UBE2E2: variants seen among roughly 807,000 people sequenced by gnomAD.
UBE2E2 encodes ubiquitin conjugating enzyme E2 E2, also known as ubiquitin-conjugating enzyme E2 E2.
In UBE2E2, 6 loss-of-function variants were observed where a neutral mutation model predicts 24.7. The observed-to-expected ratio is 0.24, with a 90% confidence interval of 0.13 to 0.48. UBE2E2 has a LOEUF of 0.48. Among genes scored for constraint, UBE2E2 ranks in the 20% least tolerant of loss-of-function variants. The probability of loss-of-function intolerance (pLI) is 0.99; values close to 1 mark genes in which losing one functional copy is unlikely to be tolerated. For missense variants in UBE2E2, 169 were observed against 245.0 expected, an observed-to-expected ratio of 0.69 and a Z score of 2.07; for synonymous variants, 104 against 83.6, an observed-to-expected ratio of 1.24 and a Z score of -1.33.
intron 3 of UBE2E2, among the ~76,000 whole-genome samples, chr3:23,434,322 T>G (rs1698135308): frequency 6.6e-6 from 1 of 152,156 alleles, no homozygotes; most frequent in African/African-American, 2.4e-5. Context: ...ACCTGGATTG[T>G]GATTTATCTC....
At chr3:23,536,182 T>C (rs1265385012) in intron 5 of UBE2E2, among the ~76,000 whole-genome samples, 1 of 152,238 alleles carries the variant, frequency 6.6e-6, no homozygotes, top group Non-Finnish European at 1.5e-5. Context: ...ATATTCTTTA[T>C]ATGAAATCTG....
intron 5 of UBE2E2, among the ~76,000 whole-genome samples, chr3:23,557,376 G>A (rs986804645): frequency 1.3e-5 from 2 of 152,124 alleles, no homozygotes; most frequent in Non-Finnish European, 2.9e-5. Flanking sequence ...TTTCCAGCTT[G>A]TTTATTCCAG....
At chr3:23,220,901 C>T (rs922465156) in intron 3 of UBE2E2, among the ~76,000 whole-genome samples, 3 of 152,190 alleles carry the variant, frequency 2.0e-5, no homozygotes, top group East Asian at 1.9e-4. Context: ...TATACTTCCT[C>T]GGTGCTAGTG....
intron 3 of UBE2E2, among the ~76,000 whole-genome samples, chr3:23,247,899 G>A (rs1365510433): frequency 6.6e-6 from 1 of 152,140 alleles, no homozygotes; most frequent in East Asian, 1.9e-4. Context: ...TTTTGATTCA[G>A]ATAGCAACTC....
chr3:23,499,818 T>TC, intron 4 of UBE2E2, 78 bp downstream of exon 4: 10 of 1,488,038 alleles, frequency 6.7e-6, no homozygotes, highest in African/African-American at 1.4e-5. Flanking sequence ...TAAATATGCA[T>TC]TCTAGGGATG....
chr3:23,250,460 C>G (rs1697545557), intron 3 of UBE2E2, among the ~76,000 whole-genome samples: 1 of 152,150 alleles, frequency 6.6e-6, no homozygotes, highest in Admixed American at 6.5e-5. Context: ...CATGAACTCA[C>G]TTCTAACTTC....
chr3:23,279,025 G>A (rs1237910162), intron 3 of UBE2E2, among the ~76,000 whole-genome samples: 1 of 152,052 alleles, frequency 6.6e-6, no homozygotes, highest in Non-Finnish European at 1.5e-5. Context: ...TCATTTTACT[G>A]ATGAGGTCTT....
rs1228374218 is a variant in UBE2E2 at position 23,474,797 on chromosome 3, T to A, written c.228-24811T>A. On this transcript the variant is annotated intron_variant, in intron 3 of 5. Coordinates refer to ENST00000396703, the MANE Select transcript of UBE2E2 (RefSeq NM_152653.4). This position sits in a 1 kb window ranked among gnomAD's most constrained non-coding sequence, Gnocchi z 4.0. ...GTCAGTGCTTCTGTCTGTGGTTTAA[T>A]CCTCCTTCCTGTTTGGACATTTTGT... Among the ~76,000 whole-genome samples the A allele has an allele frequency of 4.6e-5, 7 of 152,080 alleles. No homozygotes were observed. The East Asian group carries it at 1.3e-3, about 29-fold the overall frequency.
chr3:23,556,454 TAAAAAAAA>T (rs5847239), intron 5 of UBE2E2, among the ~76,000 whole-genome samples: 1 of 94,336 alleles, frequency 1.1e-5, no homozygotes, highest in Non-Finnish European at 2.1e-5. Context: ...AAAATTTATT[TAAAAAAAA>T]AAAAAAAAAA....
At chr3:23,238,901 T>C (rs1193985061) in intron 3 of UBE2E2, among the ~76,000 whole-genome samples, 1 of 152,120 alleles carries the variant, frequency 6.6e-6, no homozygotes, top group Non-Finnish European at 1.5e-5. Flanking sequence ...TTTTGGAGCA[T>C]TTCAGATTTC....
chr3:23,567,218 A>G (rs1462195720), intron 5 of UBE2E2, among the ~76,000 whole-genome samples: 1 of 152,148 alleles, frequency 6.6e-6, no homozygotes, highest in African/African-American at 2.4e-5. Context: ...TTTGGTCATG[A>G]TTTTTTATCC....
intron 3 of UBE2E2, among the ~76,000 whole-genome samples, chr3:23,379,247 AT>A (rs149180630): frequency 0.45 from 66,740 of 149,502 alleles, 15,048 homozygotes; most frequent in Admixed American, 0.56. Context: ...TTTTTATTTT[AT>A]TTTTTTTTAT....
At chr3:23,522,162 G>A (rs377416201) in intron 4 of UBE2E2, among the ~76,000 whole-genome samples, 16 of 116,040 alleles carry the variant, frequency 1.4e-4, no homozygotes, top group South Asian at 2.8e-4. Flanking sequence ...GCAGAGTCTC[G>A]CTCTGTTGCC....
rs1696720798 is a variant in UBE2E2 at position 23,589,841 on chromosome 3, G to A, written c.*10G>A. ...GCGGTACGCCACATAGGGGCCTGCTGCCTGCCGCCCCGCGGGACCTGTGCA... is the reference window on the plus strand; with the variant it reads ...GCGGTACGCCACATAGGGGCCTGCTACCTGCCGCCCCGCGGGACCTGTGCA... On this transcript the variant is annotated 3_prime_UTR_variant, in exon 6 of 6. Transcript: ENST00000396703. This position sits in a 1 kb window ranked among gnomAD's most constrained non-coding sequence, Gnocchi z 4.1. The A allele has an allele frequency of 2.1e-5, 34 of 1,614,020 alleles. No individual in the cohort carries two copies. In the East Asian group the frequency reaches 7.6e-4, roughly 36 times the overall value.
intron 3 of UBE2E2, chr3:23,271,102 A>G: frequency 4.5e-6 from 2 of 444,458 alleles, no homozygotes; most frequent in Non-Finnish European, 9.0e-6. Context: ...AATGAAGAGA[A>G]ATGGACCTTG....
At chr3:23,506,479 A>G (rs918123902) in intron 4 of UBE2E2, among the ~76,000 whole-genome samples, 1 of 152,136 alleles carries the variant, frequency 6.6e-6, no homozygotes, top group Admixed American at 6.5e-5. Flanking sequence ...ACCCAGTCCC[A>G]CTGGCTCAAT....
At chr3:23,527,181 A>T (rs559305105) in intron 4 of UBE2E2, among the ~76,000 whole-genome samples, 1 of 152,352 alleles carries the variant, frequency 6.6e-6, no homozygotes, top group South Asian at 2.1e-4. Flanking sequence ...GCTAGCAAGG[A>T]TGCAGAGAAA....
intron 3 of UBE2E2, among the ~76,000 whole-genome samples, chr3:23,401,571 A>G (rs1359920461): frequency 6.6e-6 from 1 of 152,152 alleles, no homozygotes; most frequent in Non-Finnish European, 1.5e-5. Flanking sequence ...GCTGTAAAGA[A>G]GCTATATCGT....
intron 3 of UBE2E2, among the ~76,000 whole-genome samples, chr3:23,391,667 A>C (rs2125361452): frequency 6.6e-6 from 1 of 152,318 alleles, no homozygotes. Flanking sequence ...ACTGAGAGAT[A>C]CTGCATTAAC....
Sources: allele counts gnomAD v4.1 joint callset (sites outside exome capture counted in the v4.1 genomes callset), GRCh38; gene constraint gnomAD v4.1.1; non-coding constraint Gnocchi (gnomAD v3.1); transcripts MANE v1.5; gene names NCBI Gene and HGNC (gene_info 2026-07-23, HGNC 2026-07-21).